Variants in SNX30 observed in about 807,000 individuals in gnomAD.
SNX30 encodes the protein sorting nexin family member 30.
A neutral mutation model predicts 46.4 loss-of-function variants in SNX30; 24 were observed. The ratio of observed to expected loss-of-function variants is 0.52; its 90% CI spans 0.37 to 0.73. The LOEUF (loss-of-function observed/expected upper bound fraction) is 0.73, where lower values mean the gene tolerates loss of function less well. Among genes scored for constraint, SNX30 ranks in the 30% least tolerant of loss-of-function variants. SNX30 has a pLI of 0.00. For synonymous variants in SNX30, 189 were observed against 211.5 expected (o/e 0.89, Z 0.92); for missense variants, 533 against 555.7 (o/e 0.96, Z 0.41).
intron 1 of SNX30, among the ~76,000 whole-genome samples, chr9:112,766,643 A>G (rs1839541970): frequency 1.3e-5 from 2 of 152,216 alleles, no homozygotes; most frequent in Admixed American, 1.3e-4. Context: ...GCCCTAGGTC[A>G]CTACCTTTCC....
At chr9:112,843,649 CAG>C (rs1156554826) in intron 6 of SNX30, among the ~76,000 whole-genome samples, 1 of 25,626 alleles carries the variant, frequency 3.9e-5, no homozygotes, top group South Asian at 1.6e-3. Context: ...TTTTTTTAGA[CAG>C]AGTCTCACTC....
chr9:112,844,171 A>C (rs553002666), intron 6 of SNX30, among the ~76,000 whole-genome samples: 1 of 152,250 alleles, frequency 6.6e-6, no homozygotes, highest in East Asian at 1.9e-4. Flanking sequence ...ATGATGGGCC[A>C]ATGGCACTTG....
intron 1 of SNX30, among the ~76,000 whole-genome samples, chr9:112,796,944 G>C (rs111764120): frequency 1.3e-4 from 20 of 152,258 alleles, no homozygotes; most frequent in African/African-American, 4.8e-4. Flanking sequence ...ACTCCAAGAG[G>C]AGAGAATATA....
intron 8 of SNX30, among the ~76,000 whole-genome samples, chr9:112,865,523 C>T (rs1247683420): frequency 1.3e-5 from 2 of 150,758 alleles, no homozygotes; most frequent in Non-Finnish European, 3.0e-5. Flanking sequence ...GAGGCTGTGG[C>T]AGGAGGATGG....
At chr9:112,791,134 A>G (rs536977298) in intron 1 of SNX30, among the ~76,000 whole-genome samples, 3 of 152,278 alleles carry the variant, frequency 2.0e-5, no homozygotes, top group African/African-American at 7.2e-5. Flanking sequence ...TTGTGCAACC[A>G]TCATCGCTAT....
chr9:112,780,508 G>C (rs970358067), intron 1 of SNX30, among the ~76,000 whole-genome samples: 1 of 152,218 alleles, frequency 6.6e-6, no homozygotes, highest in Non-Finnish European at 1.5e-5. Context: ...GCAGCTGGAA[G>C]GGGATCTCTA....
intron 3 of SNX30, among the ~76,000 whole-genome samples, chr9:112,822,647 A>G (rs1840521216): frequency 6.6e-6 from 1 of 151,604 alleles, no homozygotes; most frequent in South Asian, 2.1e-4. Context: ...ATGCAACACC[A>G]TACAGTCATT....
At chr9:112,868,106 G>T (rs1278028702) in intron 8 of SNX30, among the ~76,000 whole-genome samples, 1 of 152,178 alleles carries the variant, frequency 6.6e-6, no homozygotes, top group Non-Finnish European at 1.5e-5. Context: ...TTTAACCTGA[G>T]TCTTGTCTTC....
intron 1 of SNX30, 65 bp downstream of exon 1, chr9:112,751,222 C>T (rs1031062708): frequency 1.5e-6 from 2 of 1,325,172 alleles, no homozygotes; most frequent in Non-Finnish European, 1.9e-6. Flanking sequence ...ATGATGGATC[C>T]GGAGCCTTCG....
chr9:112,755,049 A>G (rs1435048645), intron 1 of SNX30, among the ~76,000 whole-genome samples: 2 of 152,178 alleles, frequency 1.3e-5, no homozygotes, highest in African/African-American at 2.4e-5. Context: ...CATTTGATAC[A>G]TATTTGAGGG....
chr9:112,794,802 T>C (rs1298359337), intron 1 of SNX30, among the ~76,000 whole-genome samples: 1 of 152,236 alleles, frequency 6.6e-6, no homozygotes, highest in African/African-American at 2.4e-5. Context: ...CATAATGGTG[T>C]ATCTTAAAAT....
intron 2 of SNX30, among the ~76,000 whole-genome samples, chr9:112,807,413 T>G (rs542555756): frequency 6.6e-6 from 1 of 152,302 alleles, no homozygotes; most frequent in East Asian, 1.9e-4. Context: ...GATATGTCTA[T>G]GTAAGTACGT....
chr9:112,866,970 CCTCCTTCCTCAGAATTCCTT>C (rs1841361082), intron 8 of SNX30, among the ~76,000 whole-genome samples: 1 of 50,412 alleles, frequency 2.0e-5, no homozygotes. Flanking sequence ...CAGAACTCCT[CCTCCTTCCTCAGAATTCCTT>C]CTCCCTCCTC....
chr9:112,869,890 T>C lies in SNX30; in HGVS notation c.*1047T>C, dbSNP rs1003184346. 10 of 152,236 alleles carry C rather than the reference T, an allele frequency of 6.6e-5. No individual in the cohort carries two copies. Among genetic ancestry groups the C allele is most frequent in the Non-Finnish European group, 1.2e-4 (8 of 68,040 alleles). 9.4% of individuals were successfully genotyped at this position (152,236 alleles called of 1,614,324 possible). A position where few individuals can be genotyped will look rare whatever the true frequency, so the allele number is the denominator to read the frequency against. ...AGAGGGCTGGTATGTCATGTTGTTA[T>C]GATACAGTCGAAATTTGTCAATGCA... is the stretch of plus-strand genomic sequence containing the variant. On this transcript the variant is annotated 3_prime_UTR_variant, in exon 9 of 9. Transcript: ENST00000374232.
At chr9:112,880,885 A>T (rs974714950) in intron 5 of SNX30, among the ~76,000 whole-genome samples, 1 of 152,168 alleles carries the variant, frequency 6.6e-6, no homozygotes, top group Non-Finnish European at 1.5e-5. Flanking sequence ...GGTTCATTCC[A>T]GTCTTGCAAG....
rs56856142 is a variant in SNX30, at chr9:112,817,401, CTTTTTTTTTTT to C, written c.349-284_349-274del. 2.6e-4 allele frequency among the ~76,000 whole-genome samples: 12 copies of C among 46,836 alleles called. No homozygotes were observed. In the East Asian group the frequency reaches 3.9e-3, roughly 15 times the overall value. The allele number at this position is 46,836 out of a possible 152,430, so 30.7% of individuals were successfully genotyped here. A position where few individuals can be genotyped will look rare whatever the true frequency, so the allele number is the denominator to read the frequency against. ...CGGTAGGGAAAAAAAAAAAAACTGG[CTTTTTTTTTTT>C]TTTTTTTTTTTTTTTTTTTGAGACG... On this transcript the variant is annotated intron_variant, in intron 2 of 8. Transcript: ENST00000374232.
intron 1 of SNX30, among the ~76,000 whole-genome samples, chr9:112,757,624 T>C (rs2796032): frequency 0.68 from 103,239 of 152,040 alleles, 35,176 homozygotes; most frequent in South Asian, 0.78. Flanking sequence ...AACAGCGTTG[T>C]ACAAAAGTTC....
At chr9:112,763,712 G>A (rs897150354) in intron 1 of SNX30, among the ~76,000 whole-genome samples, 3 of 152,012 alleles carry the variant, frequency 2.0e-5, no homozygotes, top group Non-Finnish European at 2.9e-5. Context: ...AGCTGGGCAT[G>A]GCGGCGCGTG....
intron 6 of SNX30, among the ~76,000 whole-genome samples, chr9:112,843,768 C>G (rs1192968407): frequency 6.6e-6 from 1 of 151,912 alleles, no homozygotes; most frequent in African/African-American, 2.4e-5. Context: ...GTGCGCACCA[C>G]CACGCCCGGC....
Sources: allele counts gnomAD v4.1 joint callset (sites outside exome capture counted in the v4.1 genomes callset), GRCh38; gene constraint gnomAD v4.1.1; transcripts MANE v1.5; gene names NCBI Gene and HGNC (gene_info 2026-07-23, HGNC 2026-07-21).